VIRMA: variants seen among roughly 807,000 people sequenced by gnomAD.
The protein encoded by VIRMA is vir like m6A methyltransferase associated.
VIRMA carries 65 observed loss-of-function variants against 182.4 expected under a neutral mutation model. The observed-to-expected ratio is 0.36, with a 90% CI of 0.29 to 0.44. The LOEUF is 0.44. Ranked by LOEUF, VIRMA falls within the 20% of genes least tolerant of loss-of-function variation. VIRMA has a pLI of 1.00. For missense variants in VIRMA, 1,752 were observed against 2,158.1 expected, an observed-to-expected ratio of 0.81 and a Z score of 3.73; for synonymous variants, 709 against 743.1, an observed-to-expected ratio of 0.95 and a Z score of 0.75.
At chr8:94,502,980 C>T (rs1017995511) in intron 16 of VIRMA, among the ~76,000 whole-genome samples, 1 of 151,764 alleles carries the variant, frequency 6.6e-6, no homozygotes, top group Non-Finnish European at 1.5e-5. Flanking sequence ...GAATTATATA[C>T]AATGAAAAAA....
intron 14 of VIRMA, 105 bp from the exon 15 acceptor site, chr8:94,510,045 A>T (rs1814311471): frequency 9.7e-7 from 1 of 1,030,224 alleles, no homozygotes; most frequent in Non-Finnish European, 1.4e-6. Flanking sequence ...AATTTTGCAT[A>T]AAACATTTAA....
intron 8 of VIRMA, among the ~76,000 whole-genome samples, chr8:94,525,233 C>G (rs1011207499): frequency 6.6e-6 from 1 of 152,182 alleles, no homozygotes; most frequent in Non-Finnish European, 1.5e-5. Flanking sequence ...AGACGAATGC[C>G]CAGCCTGAAT....
chr8:94,488,912 A>C (rs1045809695), intron 23 of VIRMA, 52 bp from the exon 24 acceptor site: 1 of 1,578,092 alleles, frequency 6.3e-7, no homozygotes, highest in Non-Finnish European at 8.7e-7. Context: ...CTTTTCCAAG[A>C]TTATAAATAC....
intron 19 of VIRMA, 91 bp downstream of exon 19, chr8:94,495,640 C>T: frequency 2.0e-6 from 2 of 1,013,310 alleles, no homozygotes; most frequent in Non-Finnish European, 2.9e-6. Context: ...CTATCTGGCC[C>T]TTTATAGAAA....
At chr8:94,536,993 A>G in intron 4 of VIRMA, 110 bp downstream of exon 4, 2 of 794,244 alleles carry the variant, frequency 2.5e-6, no homozygotes, top group Non-Finnish European at 2.1e-6. Context: ...AACACAAAGA[A>G]AAAAAAAAAG....
At chr8:94,531,674 T>C (rs145514486) in intron 5 of VIRMA, among the ~76,000 whole-genome samples, 81 of 152,306 alleles carry the variant, frequency 5.3e-4, no homozygotes, top group Non-Finnish European at 9.7e-4. Context: ...CAAAACATAA[T>C]GTATACACTC....
intron 20 of VIRMA, among the ~76,000 whole-genome samples, chr8:94,494,495 G>C (rs986557281): frequency 2.0e-5 from 3 of 149,450 alleles, no homozygotes; most frequent in African/African-American, 7.4e-5. Flanking sequence ...AGGAGGCTGA[G>C]GCAGAAGAAT....
intron 3 of VIRMA, 117 bp downstream of exon 3, chr8:94,538,143 C>A: frequency 6.9e-6 from 5 of 724,856 alleles, no homozygotes; most frequent in South Asian, 3.2e-5. Flanking sequence ...CACAATTAAA[C>A]CCTGTGTTCT....
intron 16 of VIRMA, among the ~76,000 whole-genome samples, chr8:94,499,965 C>T (rs1813910764): frequency 6.8e-6 from 1 of 147,626 alleles, no homozygotes; most frequent in African/African-American, 2.5e-5. Flanking sequence ...GCAGAAGAAT[C>T]ACTTAAACGA....
intron 5 of VIRMA, among the ~76,000 whole-genome samples, 197 bp downstream of exon 5, chr8:94,534,623 TCTCTTCCTCCTATCTCCCC>T (rs1260598233): frequency 2.6e-5 from 4 of 151,358 alleles, no homozygotes; most frequent in Non-Finnish European, 4.4e-5. Context: ...CTTCTTTCTT[TCTCTTCCTCCTATCTCCCC>T]CTCTTCCTCC....
chr8:94,507,081 ATTC>A (rs1814176685), intron 15 of VIRMA, among the ~76,000 whole-genome samples: 1 of 151,798 alleles, frequency 6.6e-6, no homozygotes, highest in South Asian at 2.1e-4. Context: ...TGTATTATTT[ATTC>A]ATTTGTATCT....
chr8:94,498,419 A>T (rs1420599945), intron 17 of VIRMA: 1 of 152,252 alleles, frequency 6.6e-6, no homozygotes, highest in East Asian at 1.9e-4. Flanking sequence ...TAAATAACAA[A>T]GAGACTAACA....
chr8:94,529,679 G>A lies in VIRMA; in HGVS notation c.608-337C>T, dbSNP rs551968460. On this transcript the variant is annotated intron_variant, in intron 6 of 23. Transcript: ENST00000297591. ...TTTGAGACAAGAGTCTCACTCTGTC[G>A]GCCAGGCTGGAGTGCAGTGGCATGA... 4.6e-5 allele frequency among the ~76,000 whole-genome samples: 7 copies of A among 150,664 alleles called. No individual in the cohort carries two copies. In the East Asian group the frequency reaches 7.8e-4, roughly 17 times the overall value.
chr8:94,515,023 C>A, intron 10 of VIRMA, 72 bp from the exon 11 acceptor site: 4 of 753,124 alleles, frequency 5.3e-6, no homozygotes, highest in South Asian at 2.4e-5. Context: ...ATATTTTTTC[C>A]AAAGAAAATC....
chr8:94,499,304 G>C, intron 17 of VIRMA, 70 bp downstream of exon 17: 1 of 1,159,534 alleles, frequency 8.6e-7, no homozygotes, highest in Non-Finnish European at 1.2e-6. Flanking sequence ...CTTGGCCAAA[G>C]ATTTCAAATT....
chr8:94,546,753 C>T, intron 1 of VIRMA: 1 of 363,250 alleles, frequency 2.8e-6, no homozygotes, highest in Non-Finnish European at 5.4e-6. Context: ...TCCATTGTAT[C>T]ATTCTTACGC....
intron 17 of VIRMA, chr8:94,498,262 T>G (rs1359177682): frequency 6.6e-6 from 1 of 152,210 alleles, no homozygotes; most frequent in Non-Finnish European, 1.5e-5. Context: ...CTTAATTAAA[T>G]TTTAACAATA....
intron 6 of VIRMA, 112 bp from the exon 7 acceptor site, chr8:94,529,454 C>A (rs1815084464): frequency 3.2e-6 from 2 of 619,226 alleles, no homozygotes; most frequent in African/African-American, 1.9e-5. Context: ...TTTATAAATA[C>A]CCTTAAAAAA....
intron 8 of VIRMA, among the ~76,000 whole-genome samples, chr8:94,523,079 TAGTA>T (rs1814831593): frequency 6.6e-6 from 1 of 152,198 alleles, no homozygotes; most frequent in Non-Finnish European, 1.5e-5. Context: ...ATAAAGTTGT[TAGTA>T]AGAAGTATTT....
Sources: allele counts gnomAD v4.1 joint callset (sites outside exome capture counted in the v4.1 genomes callset), GRCh38; gene constraint gnomAD v4.1.1; transcripts MANE v1.5; gene names NCBI Gene and HGNC (gene_info 2026-07-23, HGNC 2026-07-21).